Variants in SLC16A10 observed in about 807,000 individuals in gnomAD.
SLC16A10 encodes solute carrier family 16 member 10, also known as monocarboxylate transporter 10.
A neutral mutation model predicts 40.0 loss-of-function variants in SLC16A10; 27 were observed. That is an observed-to-expected ratio of 0.67 (90% confidence interval 0.50 to 0.93). The LOEUF (loss-of-function observed/expected upper bound fraction) is 0.93, where lower values mean the gene tolerates loss of function less well. SLC16A10 is among the 40% of genes least tolerant of loss of function. SLC16A10 has a pLI of 0.00. For missense variants in SLC16A10, 529 were observed against 658.2 expected (o/e 0.80, Z 2.15); for synonymous variants, 213 against 249.8 (o/e 0.85, Z 1.39).
intron 1 of SLC16A10, among the ~76,000 whole-genome samples, chr6:111,105,491 C>G (rs1046596152): frequency 3.4e-4 from 51 of 152,100 alleles, no homozygotes; most frequent in African/African-American, 1.2e-3. Context: ...TTTGCACATT[C>G]ATAATGGACA....
At chr6:111,120,373 C>A (rs542941983) in intron 1 of SLC16A10, among the ~76,000 whole-genome samples, 21 of 152,224 alleles carry the variant, frequency 1.4e-4, no homozygotes, top group African/African-American at 4.6e-4. Context: ...TTCAAATATA[C>A]TTTTTTATAG....
chr6:111,168,488 G>A (rs1283264054), intron 1 of SLC16A10, among the ~76,000 whole-genome samples: 1 of 150,524 alleles, frequency 6.6e-6, no homozygotes, highest in African/African-American at 2.5e-5. Context: ...AGCAGTAATA[G>A]TCAGACTTGG....
At chr6:111,093,556 A>T (rs1771021204) in intron 1 of SLC16A10, among the ~76,000 whole-genome samples, 1 of 152,202 alleles carries the variant, frequency 6.6e-6, no homozygotes, top group Non-Finnish European at 1.5e-5. Context: ...CACCTAGATT[A>T]TAGGAAATTT....
At position 111,087,742 on chromosome 6, in the gene SLC16A10, C is replaced by T; in HGVS notation, c.-11C>T. ...GCGCTTCTCCGGCGCCTGAGGGGCC[C>T]GCCTCGGGCCATGGTGCTCTCCCAG... On this transcript the variant is annotated 5_prime_UTR_variant, in exon 1 of 6. Transcript: ENST00000368851. The T allele has an allele frequency of 1.7e-6, 2 of 1,204,102 alleles. No homozygotes were observed. The highest frequency in any genetic ancestry group is 2.1e-6 in the Non-Finnish European group (2 of 969,388). 74.6% of individuals were successfully genotyped at this position (1,204,102 alleles called of 1,614,324 possible).
At chr6:111,170,543 G>A (rs1455107580) in intron 1 of SLC16A10, among the ~76,000 whole-genome samples, 9 of 152,056 alleles carry the variant, frequency 5.9e-5, no homozygotes, top group East Asian at 1.9e-4. Context: ...ACCATCTCCC[G>A]GGTTCAAGTG....
intron 1 of SLC16A10, among the ~76,000 whole-genome samples, chr6:111,167,648 T>C (rs71562282): frequency 8.5e-6 from 1 of 117,608 alleles, no homozygotes; most frequent in African/African-American, 3.0e-5. Flanking sequence ...TTATTTATTG[T>C]GTGTGTGTGT....
chr6:111,193,717 G>A (rs1773033620), intron 3 of SLC16A10, among the ~76,000 whole-genome samples: 1 of 152,108 alleles, frequency 6.6e-6, no homozygotes, highest in Non-Finnish European at 1.5e-5. Context: ...ATTACTCAGG[G>A]GTGGAAATTA....
At chr6:111,209,703 T>C (rs1177162607) in intron 4 of SLC16A10, among the ~76,000 whole-genome samples, 1 of 151,910 alleles carries the variant, frequency 6.6e-6, no homozygotes, top group African/African-American at 2.4e-5. Flanking sequence ...AGTGGCCAGA[T>C]AGGCAGGGGG....
At chr6:111,153,388 A>T (rs1772208450) in intron 1 of SLC16A10, among the ~76,000 whole-genome samples, 1 of 152,160 alleles carries the variant, frequency 6.6e-6, no homozygotes, top group Non-Finnish European at 1.5e-5. Flanking sequence ...TACAAAAATT[A>T]GCTGGGAGCA....
intron 1 of SLC16A10, among the ~76,000 whole-genome samples, chr6:111,138,487 C>CAGCTGGCCACAGAGCCAGCCACAACAA (rs1165665187): frequency 1.3e-5 from 2 of 152,172 alleles, no homozygotes; most frequent in African/African-American, 2.4e-5. Context: ...TACAACTAAC[C>CAGCTGGCCACAGAGCCAGCCACAACAA]AGCTCTGTGG....
chr6:111,163,252 A>G (rs1200615012), intron 1 of SLC16A10, among the ~76,000 whole-genome samples: 1 of 142,258 alleles, frequency 7.0e-6, no homozygotes, highest in Non-Finnish European at 1.5e-5. Context: ...TCCCGGGTTC[A>G]CACCATTCTC....
At chr6:111,171,145 A>C (rs1459840458) in intron 1 of SLC16A10, among the ~76,000 whole-genome samples, 1 of 152,156 alleles carries the variant, frequency 6.6e-6, no homozygotes, top group East Asian at 1.9e-4. Flanking sequence ...TCATTAAAAA[A>C]AGAAAATTTA....
chr6:111,109,019 T>C (rs933735594), intron 1 of SLC16A10, among the ~76,000 whole-genome samples: 2 of 152,222 alleles, frequency 1.3e-5, no homozygotes, highest in African/African-American at 2.4e-5. Context: ...AAAAATCTTA[T>C]GTTAGAAGGC....
chr6:111,185,698 G>A (rs17679731), intron 3 of SLC16A10, among the ~76,000 whole-genome samples: 15,698 of 152,116 alleles, frequency 0.1, 933 homozygotes, highest in Non-Finnish European at 0.14. Context: ...AAATGGACAT[G>A]TACAAATTTA....
chr6:111,197,674 T>G (rs1237818296), intron 3 of SLC16A10, among the ~76,000 whole-genome samples: 1 of 152,100 alleles, frequency 6.6e-6, no homozygotes, highest in Non-Finnish European at 1.5e-5. Context: ...GCAGGCTGTA[T>G]AGGAAGCATG....
intron 4 of SLC16A10, among the ~76,000 whole-genome samples, chr6:111,214,350 A>G (rs1242004130): frequency 1.3e-5 from 2 of 152,212 alleles, no homozygotes; most frequent in African/African-American, 2.4e-5. Context: ...ATTGTATGTA[A>G]TACTAAGTTT....
chr6:111,171,439 G>A (rs1219268577), intron 1 of SLC16A10, among the ~76,000 whole-genome samples: 1 of 152,230 alleles, frequency 6.6e-6, no homozygotes, highest in Non-Finnish European at 1.5e-5. Flanking sequence ...ATTGCTGGAA[G>A]CCAGGAGTTC....
intron 1 of SLC16A10, among the ~76,000 whole-genome samples, chr6:111,147,119 A>G (rs375624846): frequency 6.6e-6 from 1 of 152,236 alleles, no homozygotes. Flanking sequence ...TTCTGGAATT[A>G]CATAATGATG....
intron 3 of SLC16A10, among the ~76,000 whole-genome samples, chr6:111,184,479 A>C (rs981925652): frequency 1.4e-4 from 21 of 151,662 alleles, no homozygotes; most frequent in African/African-American, 5.1e-4. Context: ...TAGTAATTGG[A>C]AATGATTTTT....
Sources: gnomAD v4.1 joint callset for allele counts (sites outside exome capture counted in the v4.1 genomes callset) on GRCh38, gnomAD v4.1.1 for gene constraint, MANE v1.5 for transcripts, NCBI Gene and HGNC (gene_info 2026-07-23, HGNC 2026-07-21) for gene names.